MTERF3: variants seen among roughly 807,000 people sequenced by gnomAD.
MTERF3 encodes the protein mitochondrial transcription termination factor 3.
A neutral mutation model predicts 40.5 loss-of-function variants in MTERF3; 40 were observed. The observed-to-expected ratio is 0.99, with a 90% confidence interval of 0.77 to 1.29. The LOEUF (loss-of-function observed/expected upper bound fraction) is 1.29. Among genes scored for constraint, MTERF3 ranks in the 50% most tolerant of loss-of-function variants. The probability of loss-of-function intolerance (pLI) is 0.00; values close to 1 mark genes in which losing one functional copy is unlikely to be tolerated. For missense variants in MTERF3, 452 were observed against 478.2 expected, an observed-to-expected ratio of 0.95 and a Z score of 0.51; for synonymous variants, 158 against 166.6, an observed-to-expected ratio of 0.95 and a Z score of 0.40.
chr8:96,258,126 G>A lies in MTERF3; in HGVS notation c.334+231C>T, dbSNP rs1441421438. Reference sequence around the variant, plus strand: ...ATCTAAACAATAAAATATTTAAAAAGCAAATGTTTTATATGTGTAGCTATA... The same window carrying A: ...ATCTAAACAATAAAATATTTAAAAAACAAATGTTTTATATGTGTAGCTATA... On this transcript the variant is annotated intron_variant, in intron 2 of 7. Transcript: ENST00000287025. 3.0e-5 allele frequency: 17 copies of A among 568,112 alleles called. No homozygotes were observed. In the East Asian group the frequency reaches 2.5e-3, roughly 82 times the overall value. 35.2% of individuals were successfully genotyped at this position (568,112 alleles called of 1,614,324 possible). A position where few individuals can be genotyped will look rare whatever the true frequency, so the allele number is the denominator to read the frequency against.
intron 7 of MTERF3, among the ~76,000 whole-genome samples, chr8:96,242,041 G>GT (rs1174885587): frequency 1.3e-5 from 2 of 151,720 alleles, no homozygotes; most frequent in Non-Finnish European, 2.9e-5. Context: ...TTAATTAATC[G>GT]TAAGTCAGAT....
chr8:96,254,827 C>T (rs1810252348), intron 3 of MTERF3, among the ~76,000 whole-genome samples: 1 of 152,132 alleles, frequency 6.6e-6, no homozygotes, highest in Non-Finnish European at 1.5e-5. Context: ...GGTAACTGGG[C>T]ACAGACAGAT....
intron 1 of MTERF3, among the ~76,000 whole-genome samples, chr8:96,260,851 C>T (rs1586175688): frequency 6.6e-6 from 1 of 152,216 alleles, no homozygotes; most frequent in East Asian, 1.9e-4. Flanking sequence ...GGACTATTCT[C>T]CACTTTCCCA....
In MTERF3 at chr8:96,250,993, T is replaced by A. The variant is rs1810174394; in HGVS notation, c.590A>T (p.Asp197Val). The A allele has an allele frequency of 6.2e-7, 1 of 1,606,852 alleles. No homozygotes were observed. Among genetic ancestry groups the A allele is most frequent in the African/African-American group, 1.3e-5 (1 of 74,404 alleles). The change falls in exon 4 of 8, where the codon GAT becomes GTT. Residue 197 changes from aspartate (D) to valine (V), a missense_variant. Physicochemically the swap from Asp to Val is radical, Grantham distance 152 (BLOSUM62 -3). Transcript: ENST00000287025. The part of the protein sequence containing the change: ...DIKQMLLFLK[D>V]VGIEDNQLGA... ...CAGTTGGTTATCCTCTATACCCACA[T>A]CTTTAAGAAACAGAAGCATTTGCTT...
chr8:96,250,697 GGGGGA>G (rs1810162835), intron 4 of MTERF3, among the ~76,000 whole-genome samples: 1 of 26,566 alleles, frequency 3.8e-5, no homozygotes, highest in African/African-American at 1.5e-4. Context: ...GAGGAGGAGG[GGGGGA>G]GGGGGAGGGG....
At chr8:96,247,259 C>A (rs1368026421) in intron 4 of MTERF3, among the ~76,000 whole-genome samples, 1 of 152,168 alleles carries the variant, frequency 6.6e-6, no homozygotes, top group African/African-American at 2.4e-5. Flanking sequence ...ACTTGAGTGA[C>A]CATGCCTGGC....
At chr8:96,252,172 T>C (rs1810197607) in intron 3 of MTERF3, among the ~76,000 whole-genome samples, 1 of 152,228 alleles carries the variant, frequency 6.6e-6, no homozygotes, top group Non-Finnish European at 1.5e-5. Flanking sequence ...CTCTTCCTTT[T>C]GTAAATTGCC....
intron 3 of MTERF3, 37 bp from the exon 4 acceptor site, chr8:96,251,132 CT>C: frequency 6.7e-7 from 1 of 1,497,540 alleles, no homozygotes. Context: ...AAGATGACTT[CT>C]TAGTTCACCC....
chr8:96,260,872 C>T (rs1810371558), intron 1 of MTERF3, among the ~76,000 whole-genome samples: 1 of 152,212 alleles, frequency 6.6e-6, no homozygotes, highest in Non-Finnish European at 1.5e-5. Context: ...GAGCCTTGTA[C>T]TGCTCTAATG....
chr8:96,258,488 T>A lies in MTERF3; in HGVS notation c.203A>T (p.Asn68Ile), dbSNP rs1421368202. The A allele has an allele frequency of 6.2e-7, 1 of 1,614,178 alleles. No individual in the cohort carries two copies. The highest frequency in any genetic ancestry group is 8.5e-7 in the Non-Finnish European group (1 of 1,180,002). Residue 68 changes from asparagine (N) to isoleucine (I), a missense_variant, in exon 2 of 8, where the codon AAT becomes ATT. By Grantham distance (149) the Asn-to-Ile change is moderately radical. Coordinates refer to ENST00000287025, the MANE Select transcript of MTERF3 (RefSeq NM_015942.5). Reference sequence around the variant, plus strand: ...ACTTGAGCTAGTAGACTGGGAACTATTCCATAAGGAGGAAGTCCTGTAAGT... The same window carrying A: ...ACTTGAGCTAGTAGACTGGGAACTAATCCATAAGGAGGAAGTCCTGTAAGT... ...FKTYRTSSLW[N>I]SSQSTSSSSQ...
At chr8:96,245,515 G>A (rs748153149) in intron 6 of MTERF3, among the ~76,000 whole-genome samples, 29 of 152,170 alleles carry the variant, frequency 1.9e-4, no homozygotes, top group Non-Finnish European at 2.9e-4. Flanking sequence ...GAGTACTTTC[G>A]TAGACTGGTA....
chr8:96,259,779 C>T (rs1268780134), intron 1 of MTERF3, among the ~76,000 whole-genome samples: 1 of 152,138 alleles, frequency 6.6e-6, no homozygotes, highest in Non-Finnish European at 1.5e-5. Flanking sequence ...GTTTTATGCT[C>T]TAAATTAGAC....
chr8:96,248,108 T>C (rs766686636), intron 4 of MTERF3, among the ~76,000 whole-genome samples: 3 of 152,258 alleles, frequency 2.0e-5, no homozygotes, highest in Non-Finnish European at 2.9e-5. Flanking sequence ...CTGGCACTTC[T>C]GTACACTGTT....
Position 96,246,305 on chromosome 8 carries a change from A to G in MTERF3, c.825+2T>C, listed in dbSNP as rs757768570. ...ATAAACAAATTCTCTCCTTTTCTTT[A>G]CCTTCTTCACACTAAGTTCAAGTTC... On this transcript the variant is annotated splice_donor_variant, in intron 5 of 7. Transcript: ENST00000287025. LOFTEE classifies it high-confidence loss of function. The G allele has an allele frequency of 3.8e-6, 6 of 1,591,482 alleles. No homozygotes were observed. The highest frequency in any genetic ancestry group is 5.1e-6 in the Non-Finnish European group (6 of 1,174,416).
chr8:96,259,462 G>C lies in MTERF3; in HGVS notation c.-10-762C>G, dbSNP rs527950300. Reference sequence around the variant, plus strand: ...AATAAGCAACCAGCAATTAATACCTGTATATTTTGACTGAAAAAGTAGTTT... The same window carrying C: ...AATAAGCAACCAGCAATTAATACCTCTATATTTTGACTGAAAAAGTAGTTT... On this transcript the variant is annotated intron_variant, in intron 1 of 7. Coordinates refer to ENST00000287025, the MANE Select transcript of MTERF3 (RefSeq NM_015942.5). Among the ~76,000 whole-genome samples, 81 of 152,276 alleles carry C rather than the reference G, an allele frequency of 5.3e-4. 3 individuals are homozygous for C. The South Asian group carries it at 0.017, about 31-fold the overall frequency.
At chr8:96,252,983 G>C (rs1417115195) in intron 3 of MTERF3, among the ~76,000 whole-genome samples, 1 of 152,106 alleles carries the variant, frequency 6.6e-6, no homozygotes, top group Non-Finnish European at 1.5e-5. Flanking sequence ...TATGGACCAG[G>C]CACTTTTTTA....
chr8:96,243,308 C>T (rs1219843513), intron 7 of MTERF3, among the ~76,000 whole-genome samples: 1 of 152,142 alleles, frequency 6.6e-6, no homozygotes, highest in African/African-American at 2.4e-5. Flanking sequence ...TTGATAAAAT[C>T]CAATCATTCA....
intron 7 of MTERF3, among the ~76,000 whole-genome samples, chr8:96,241,056 A>G: frequency 6.6e-6 from 1 of 152,288 alleles, no homozygotes; most frequent in East Asian, 1.9e-4. Flanking sequence ...CGAAGATGTA[A>G]GAGGTTTTAG....
intron 4 of MTERF3, among the ~76,000 whole-genome samples, chr8:96,249,580 T>G (rs898727890): frequency 6.6e-6 from 1 of 151,680 alleles, no homozygotes; most frequent in Non-Finnish European, 1.5e-5. Context: ...ATAAGGTTTT[T>G]GTTTAGTTTT....
Sources: allele counts gnomAD v4.1 joint callset (sites outside exome capture counted in the v4.1 genomes callset), GRCh38; gene constraint gnomAD v4.1.1; transcripts MANE v1.5; gene names NCBI Gene and HGNC (gene_info 2026-07-23, HGNC 2026-07-21).